COL23A1: variants seen among roughly 807,000 people sequenced by gnomAD.
COL23A1 encodes collagen type XXIII alpha 1 chain.
In COL23A1, 97 loss-of-function variants were observed where a neutral mutation model predicts 99.3. The ratio of observed to expected loss-of-function variants is 0.98; its 90% CI spans 0.83 to 1.16. COL23A1 has a LOEUF of 1.16. COL23A1 is among the 50% of genes most tolerant of loss of function. The pLI is 0.00. For missense variants in COL23A1, 762 were observed against 757.4 expected (o/e 1.01, Z -0.07); for synonymous variants, 320 against 308.2 (o/e 1.04, Z -0.40).
At chr5:178,520,401 T>C (rs980048269) in intron 2 of COL23A1, among the ~76,000 whole-genome samples, 13 of 152,126 alleles carry the variant, frequency 8.5e-5, no homozygotes, top group African/African-American at 3.1e-4. Flanking sequence ...CTACATGTTC[T>C]CCTCATCACT....
At chr5:178,337,686 G>T (rs1581177009) in intron 2 of COL23A1, among the ~76,000 whole-genome samples, 1 of 152,192 alleles carries the variant, frequency 6.6e-6, no homozygotes, top group Non-Finnish European at 1.5e-5. Context: ...CGCCATCCAG[G>T]ACTGCAGGCT....
At chr5:178,486,485 G>T (rs753848704) in intron 2 of COL23A1, among the ~76,000 whole-genome samples, 3 of 152,160 alleles carry the variant, frequency 2.0e-5, no homozygotes, top group Non-Finnish European at 4.4e-5. Context: ...AGACACGGCC[G>T]TTAGCAAAAA....
At chr5:178,370,453 T>A (rs1275413720) in intron 2 of COL23A1, among the ~76,000 whole-genome samples, 1 of 151,686 alleles carries the variant, frequency 6.6e-6, no homozygotes, top group Non-Finnish European at 1.5e-5. Flanking sequence ...ATATGTGGAA[T>A]CTAAAAAAAA....
chr5:178,465,487 C>T (rs904291594), intron 2 of COL23A1, among the ~76,000 whole-genome samples: 2 of 152,186 alleles, frequency 1.3e-5, no homozygotes, highest in Admixed American at 6.5e-5. Flanking sequence ...CAGATAACCC[C>T]TCTGACATGG....
At chr5:178,271,531 G>A (rs573490341) in intron 5 of COL23A1, among the ~76,000 whole-genome samples, 6 of 152,164 alleles carry the variant, frequency 3.9e-5, no homozygotes, top group Non-Finnish European at 5.9e-5. Flanking sequence ...TGTTGTTAAT[G>A]TAGGGTCTGC....
chr5:178,378,911 G>C (rs1231458539), intron 2 of COL23A1, among the ~76,000 whole-genome samples: 1 of 152,126 alleles, frequency 6.6e-6, no homozygotes, highest in Non-Finnish European at 1.5e-5. Flanking sequence ...CTCTTATTTG[G>C]AATCCCAAAA....
chr5:178,500,315 T>C (rs1331931554), intron 2 of COL23A1, among the ~76,000 whole-genome samples: 1 of 147,238 alleles, frequency 6.8e-6, no homozygotes, highest in Non-Finnish European at 1.5e-5. Flanking sequence ...AGGCTGAGTG[T>C]GGTAGCTTGG....
At chr5:178,533,894 T>C (rs571048543) in intron 2 of COL23A1, among the ~76,000 whole-genome samples, 67 of 152,310 alleles carry the variant, frequency 4.4e-4, no homozygotes, top group African/African-American at 1.6e-3. Flanking sequence ...GGAAGCTCAT[T>C]CCTTAGGGAG....
At chr5:178,241,923 G>C in intron 27 of COL23A1, 119 bp downstream of exon 27, 1 of 727,482 alleles carries the variant, frequency 1.4e-6, no homozygotes. Context: ...AGGAAGGCCA[G>C]TGCGTGACCA....
intron 18 of COL23A1, 56 bp from the exon 19 acceptor site, chr5:178,249,262 C>T: frequency 1.4e-5 from 22 of 1,539,370 alleles, no homozygotes; most frequent in Non-Finnish European, 1.8e-5. Context: ...CTCCCTTCTC[C>T]CCCCAGCAGG....
At chr5:178,526,202 T>C (rs2113140786) in intron 2 of COL23A1, among the ~76,000 whole-genome samples, 1 of 152,236 alleles carries the variant, frequency 6.6e-6, no homozygotes, top group South Asian at 2.1e-4. Context: ...CTTTCCAAAA[T>C]CCTTCCCATA....
intron 2 of COL23A1, among the ~76,000 whole-genome samples, chr5:178,364,623 AG>A (rs1425879633): frequency 6.6e-6 from 1 of 152,140 alleles, no homozygotes; most frequent in East Asian, 1.9e-4. Context: ...TAGTTCTAGA[AG>A]GGTGGTCGGG....
At chr5:178,536,023 G>T (rs891107095) in intron 2 of COL23A1, among the ~76,000 whole-genome samples, 5 of 152,266 alleles carry the variant, frequency 3.3e-5, no homozygotes, top group African/African-American at 1.2e-4. Context: ...CAGGTAAAAT[G>T]CTGACAACCC....
chr5:178,409,025 A>G (rs72822876), intron 2 of COL23A1, among the ~76,000 whole-genome samples: 21,432 of 135,140 alleles, frequency 0.16, 2,254 homozygotes, highest in East Asian at 0.49. Context: ...CACACACATC[A>G]TGTGGCTGAA....
At chr5:178,418,119 T>C (rs1765411005) in intron 2 of COL23A1, among the ~76,000 whole-genome samples, 1 of 152,344 alleles carries the variant, frequency 6.6e-6, no homozygotes, top group African/African-American at 2.4e-5. Flanking sequence ...ACTTGGTTAC[T>C]GTGTGATCTT....
In COL23A1 at chr5:178,252,284, C is replaced by T. The variant is rs139805347; in HGVS notation, c.1014+260G>A. ...GCTGCATCCATGTAGCTGTAAAGGA[C>T]GTGATTTCATTCCTTTTTATAGCTG... On this transcript the variant is annotated intron_variant, in intron 17 of 28. Coordinates refer to ENST00000390654, the MANE Select transcript of COL23A1 (RefSeq NM_173465.4). 3.5e-4 allele frequency among the ~76,000 whole-genome samples: 54 copies of T among 152,280 alleles called. No homozygotes were observed. In the East Asian group the frequency reaches 3.9e-3, roughly 11 times the overall value.
At chr5:178,283,141 C>T (rs956938920) in intron 5 of COL23A1, among the ~76,000 whole-genome samples, 1 of 152,154 alleles carries the variant, frequency 6.6e-6, no homozygotes, top group Non-Finnish European at 1.5e-5. Context: ...CCGCCTTGGC[C>T]TCCAAAAGTG....
In COL23A1 at chr5:178,580,342, G is replaced by A. The variant is rs1352341194; in HGVS notation, c.294+9562C>T. On this transcript the variant is annotated intron_variant, in intron 1 of 28. Coordinates refer to ENST00000390654, the MANE Select transcript of COL23A1 (RefSeq NM_173465.4). ...GACTCCATCTCAAAAAAAAAAAAAA[G>A]AAAGAAAGAAACTAGAGGACATGTG... Among the ~76,000 whole-genome samples the A allele has an allele frequency of 5.9e-4, 89 of 150,268 alleles. 1 individual carries two copies. The highest frequency in any genetic ancestry group is 1.9e-3 in the African/African-American group (78 of 40,994).
intron 3 of COL23A1, among the ~76,000 whole-genome samples, chr5:178,298,593 T>C (rs1561838219): frequency 6.6e-6 from 1 of 152,170 alleles, no homozygotes; most frequent in Non-Finnish European, 1.5e-5. Context: ...GACTCCCAAC[T>C]TCCCCTCTGC....
Sources: gnomAD v4.1 joint callset for allele counts (sites outside exome capture counted in the v4.1 genomes callset) on GRCh38, gnomAD v4.1.1 for gene constraint, MANE v1.5 for transcripts, NCBI Gene and HGNC (gene_info 2026-07-23, HGNC 2026-07-21) for gene names.